The following ZNF438 variants were observed in gnomAD, a reference collection of about 807,000 sequenced individuals.
ZNF438 encodes zinc finger protein 438.
Under a neutral mutation model 38.0 loss-of-function variants are expected in ZNF438, and 25 were observed. The ratio of observed to expected loss-of-function variants is 0.66; its 90% CI spans 0.48 to 0.92. The LOEUF is 0.92. Ranked by LOEUF, ZNF438 falls within the 40% of genes least tolerant of loss-of-function variation. ZNF438 has a pLI of 0.00. For missense variants in ZNF438, 1,007 were observed against 999.6 expected, an observed-to-expected ratio of 1.01 and a Z score of -0.10; for synonymous variants, 372 against 364.1, an observed-to-expected ratio of 1.02 and a Z score of -0.25.
chr10:30,958,488 G>A (rs1380104305), intron 1 of ZNF438, among the ~76,000 whole-genome samples: 2 of 146,862 alleles, frequency 1.4e-5, no homozygotes, highest in East Asian at 3.8e-4. Flanking sequence ...GCTTTTATAA[G>A]ATATAATGTG....
chr10:30,953,754 G>T (rs1202672989), intron 1 of ZNF438, among the ~76,000 whole-genome samples: 1 of 152,100 alleles, frequency 6.6e-6, no homozygotes, highest in Non-Finnish European at 1.5e-5. Flanking sequence ...GTTAGTGAAG[G>T]TTTGAACAAC....
chr10:30,906,330 G>A (rs1025528192), intron 3 of ZNF438, among the ~76,000 whole-genome samples: 4 of 152,120 alleles, frequency 2.6e-5, no homozygotes, highest in African/African-American at 9.7e-5. Flanking sequence ...TACTGCCAAC[G>A]TCATTGTTTT....
At chr10:30,968,889 C>A (rs561407886) in intron 1 of ZNF438, among the ~76,000 whole-genome samples, 16 of 152,230 alleles carry the variant, frequency 1.1e-4, no homozygotes, top group South Asian at 6.2e-4. Context: ...AAGACACTTA[C>A]CACAACTGCC....
In ZNF438 at chr10:30,958,966, T is replaced by C. The variant is rs1380241466; in HGVS notation, c.-191-17315A>G. Among the ~76,000 whole-genome samples, 2 of 147,442 alleles carry C rather than the reference T, an allele frequency of 1.4e-5. 1 individual carries two copies. The highest frequency in any genetic ancestry group is 3.1e-5 in the Non-Finnish European group (2 of 65,006). On this transcript the variant is annotated intron_variant, in intron 1 of 5. Transcript: ENST00000413025. The stretch of plus-strand genomic sequence containing the variant: ...TTTTGTTTATCCATTTACCAGGTTA[T>C]GGACATTGCATTTTTTCTTGTTTTT...
chr10:30,890,611 TC>T (rs1286072082), intron 3 of ZNF438, among the ~76,000 whole-genome samples: 1 of 152,226 alleles, frequency 6.6e-6, no homozygotes, highest in Admixed American at 6.5e-5. Context: ...TAAATTGTCT[TC>T]CTGCCTCCAG....
intron 4 of ZNF438, among the ~76,000 whole-genome samples, chr10:30,874,127 T>C (rs2038007768): frequency 8.1e-5 from 1 of 12,368 alleles, no homozygotes; most frequent in African/African-American, 5.0e-4. Flanking sequence ...TATATATATA[T>C]ATATATATAT....
At chr10:31,017,855 T>C (rs1435989099) in intron 1 of ZNF438, among the ~76,000 whole-genome samples, 2 of 152,216 alleles carry the variant, frequency 1.3e-5, no homozygotes, top group Non-Finnish European at 2.9e-5. Flanking sequence ...TCCAAGACAC[T>C]GGTTCTGCCA....
intron 1 of ZNF438, among the ~76,000 whole-genome samples, chr10:30,952,070 T>G (rs573169483): frequency 6.8e-6 from 1 of 146,758 alleles, no homozygotes; most frequent in Admixed American, 6.9e-5. Flanking sequence ...TCAATGGAAC[T>G]GAACAGAGCC....
intron 2 of ZNF438, among the ~76,000 whole-genome samples, chr10:30,934,669 T>C (rs1397795835): frequency 6.6e-6 from 1 of 152,202 alleles, no homozygotes; most frequent in African/African-American, 2.4e-5. Flanking sequence ...ACTTCAAAAA[T>C]GTAAGAAAAA....
intron 2 of ZNF438, among the ~76,000 whole-genome samples, chr10:30,936,589 G>A (rs1019601935): frequency 2.0e-5 from 3 of 152,156 alleles, no homozygotes; most frequent in East Asian, 1.9e-4. Flanking sequence ...CAGGAGAATC[G>A]CTTGAACCTG....
exon 5 of ZNF438, chr10:30,849,085 A>G (rs1216726195): frequency 6.2e-7 from 1 of 1,614,056 alleles, no homozygotes; most frequent in Non-Finnish European, 8.5e-7. Flanking sequence ...TGACCATGAT[A>G]GGTTTGGGCA....
chr10:30,983,983 T>G (rs1351019027), intron 1 of ZNF438, among the ~76,000 whole-genome samples: 2 of 152,228 alleles, frequency 1.3e-5, no homozygotes, highest in Non-Finnish European at 2.9e-5. Flanking sequence ...CTATTAACTA[T>G]AGACTTCATT....
At chr10:31,029,396 T>G (rs915509442) in intron 1 of ZNF438, among the ~76,000 whole-genome samples, 3 of 152,172 alleles carry the variant, frequency 2.0e-5, no homozygotes, top group Non-Finnish European at 4.4e-5. Context: ...AAAACTAAAT[T>G]TGTAATTTTC....
intron 3 of ZNF438, among the ~76,000 whole-genome samples, chr10:30,881,797 A>C (rs1007054519): frequency 6.6e-6 from 1 of 152,184 alleles, no homozygotes; most frequent in African/African-American, 2.4e-5. Context: ...ATGTATTTTC[A>C]TGAGAGTCCA....
chr10:31,026,619 AG>A (rs1163195658), intron 1 of ZNF438, among the ~76,000 whole-genome samples: 2 of 152,214 alleles, frequency 1.3e-5, no homozygotes, highest in African/African-American at 4.8e-5. Flanking sequence ...GTGGAGAAAT[AG>A]GAACACTTTT....
intron 3 of ZNF438, among the ~76,000 whole-genome samples, chr10:30,879,726 T>C (rs1564554544): frequency 6.6e-6 from 1 of 151,606 alleles, no homozygotes; most frequent in African/African-American, 2.4e-5. Context: ...CAGAAGAAAA[T>C]ATTAGCAAAT....
At chr10:30,861,175 G>A (rs2035522585) in intron 4 of ZNF438, among the ~76,000 whole-genome samples, 1 of 152,034 alleles carries the variant, frequency 6.6e-6, no homozygotes, top group Non-Finnish European at 1.5e-5. Context: ...ATGTAAAATG[G>A]CACAGTGTTT....
intron 1 of ZNF438, among the ~76,000 whole-genome samples, chr10:30,971,382 C>CA (rs1005933548): frequency 1.6e-4 from 25 of 152,122 alleles, no homozygotes; most frequent in African/African-American, 4.6e-4. Flanking sequence ...TAAACATCAA[C>CA]AAAAAACATA....
At chr10:30,882,038 T>G (rs1230468207) in intron 3 of ZNF438, among the ~76,000 whole-genome samples, 1 of 152,066 alleles carries the variant, frequency 6.6e-6, no homozygotes, top group East Asian at 1.9e-4. Context: ...TGAAACATAA[T>G]CCATAAAATA....
Sources: gnomAD v4.1 joint callset for allele counts (sites outside exome capture counted in the v4.1 genomes callset) on GRCh38, gnomAD v4.1.1 for gene constraint, MANE v1.5 for transcripts, NCBI Gene and HGNC (gene_info 2026-07-23, HGNC 2026-07-21) for gene names.